Variants in MOSMO observed in about 807,000 individuals in gnomAD.
The protein encoded by MOSMO is modulator of smoothened protein.
Under a neutral mutation model 18.4 loss-of-function variants are expected in MOSMO, and 5 were observed. That is an observed-to-expected ratio of 0.27 (90% CI 0.14 to 0.57). The LOEUF (loss-of-function observed/expected upper bound fraction) is 0.57, where lower values mean the gene tolerates loss of function less well. Among genes scored for constraint, MOSMO ranks in the 20% least tolerant of loss-of-function variants. MOSMO has a pLI of 0.92. For missense variants in MOSMO, 138 were observed against 211.8 expected (o/e 0.65, Z 2.16); for synonymous variants, 82 against 82.3 (o/e 1.00, Z 0.02).
intron 1 of MOSMO, among the ~76,000 whole-genome samples, chr16:22,041,296 A>G (rs1900205392): frequency 6.6e-6 from 1 of 152,152 alleles, no homozygotes; most frequent in African/African-American, 2.4e-5. Context: ...TTTTTTTATG[A>G]ATACAGAAGC....
intron 1 of MOSMO, among the ~76,000 whole-genome samples, chr16:22,028,043 C>T (rs1370870306): frequency 6.6e-6 from 1 of 152,064 alleles, no homozygotes; most frequent in African/African-American, 2.4e-5. Flanking sequence ...CAGTTCTCTT[C>T]CTAGGTTGTA....
intron 1 of MOSMO, among the ~76,000 whole-genome samples, chr16:22,014,245 G>GAGAC (rs1449669960): frequency 6.6e-6 from 1 of 152,156 alleles, no homozygotes; most frequent in Non-Finnish European, 1.5e-5. Flanking sequence ...ATTGAGTGAG[G>GAGAC]AGACACAAAT....
chr16:22,089,045 G>A (rs192051674), downstream of MOSMO, among the ~76,000 whole-genome samples: 33 of 151,160 alleles, frequency 2.2e-4, no homozygotes, highest in Middle Eastern at 3.5e-3. Flanking sequence ...TTATTAAGTT[G>A]TTTGTGTCAA....
At chr16:22,018,381 TG>T (rs1316677053) in intron 1 of MOSMO, among the ~76,000 whole-genome samples, 6 of 152,312 alleles carry the variant, frequency 3.9e-5, no homozygotes, top group African/African-American at 1.4e-4. Flanking sequence ...AAATAGGCCA[TG>T]TTCAGATCAG....
At chr16:22,051,425 A>C (rs968516435) in intron 1 of MOSMO, among the ~76,000 whole-genome samples, 7 of 152,046 alleles carry the variant, frequency 4.6e-5, no homozygotes, top group African/African-American at 1.7e-4. Context: ...AAATTTCTAC[A>C]TACAAAAAAA....
intron 1 of MOSMO, among the ~76,000 whole-genome samples, chr16:22,041,172 G>A (rs1017634852): frequency 1.3e-5 from 2 of 152,198 alleles, no homozygotes; most frequent in Admixed American, 1.3e-4. Flanking sequence ...TACAAAAGGT[G>A]TGAAGAATGA....
chr16:22,050,368 G>A (rs1210103082), intron 1 of MOSMO, among the ~76,000 whole-genome samples: 2 of 152,170 alleles, frequency 1.3e-5, no homozygotes, highest in Admixed American at 1.3e-4. Flanking sequence ...ATGAATAGAA[G>A]GAAGTATTGA....
intron 1 of MOSMO, among the ~76,000 whole-genome samples, chr16:22,047,397 A>G (rs377091828): frequency 6.6e-6 from 1 of 151,920 alleles, no homozygotes; most frequent in South Asian, 2.1e-4. Flanking sequence ...GGCGCCCGTC[A>G]CCACGCCCGG....
chr16:22,012,624 T>C (rs952504000), intron 1 of MOSMO, among the ~76,000 whole-genome samples: 1 of 151,954 alleles, frequency 6.6e-6, no homozygotes, highest in African/African-American at 2.4e-5. Context: ...GTTAAATATA[T>C]GTCCCTCTTG....
intron 1 of MOSMO, among the ~76,000 whole-genome samples, chr16:22,027,173 A>G (rs990570946): frequency 6.6e-6 from 1 of 152,244 alleles, no homozygotes; most frequent in African/African-American, 2.4e-5. Context: ...AAACTGTGTT[A>G]TAGTGCTTTC....
chr16:22,092,285 C>T (rs1901354669), downstream of MOSMO: 1 of 221,870 alleles, frequency 4.5e-6, no homozygotes, highest in African/African-American at 2.3e-5. Flanking sequence ...CGCACCAGGG[C>T]TGTACTGGCC....
chr16:22,035,019 C>CCACG (rs1900079667), intron 1 of MOSMO, among the ~76,000 whole-genome samples: 1 of 152,034 alleles, frequency 6.6e-6, no homozygotes, highest in Non-Finnish European at 1.5e-5. Flanking sequence ...CAGGTGTGAG[C>CCACG]CACGGCGCCT....
chr16:22,066,300 A>G (rs1567513008), intron 1 of MOSMO, among the ~76,000 whole-genome samples: 2 of 152,314 alleles, frequency 1.3e-5, no homozygotes, highest in Non-Finnish European at 2.9e-5. Context: ...GCAGTTGTTC[A>G]GCATCACAGG....
chr16:22,031,726 A>G (rs1899998055), intron 1 of MOSMO, among the ~76,000 whole-genome samples: 1 of 152,218 alleles, frequency 6.6e-6, no homozygotes, highest in Admixed American at 6.5e-5. Flanking sequence ...CATTGTATAG[A>G]TATACCACAT....
At chr16:22,012,947 T>G (rs1041709487) in intron 1 of MOSMO, among the ~76,000 whole-genome samples, 1 of 152,118 alleles carries the variant, frequency 6.6e-6, no homozygotes, top group African/African-American at 2.4e-5. Context: ...TGCACAAACT[T>G]TTGAAGATCT....
At chr16:22,036,066 G>A (rs766814557) in intron 1 of MOSMO, among the ~76,000 whole-genome samples, 1 of 152,088 alleles carries the variant, frequency 6.6e-6, no homozygotes, top group Non-Finnish European at 1.5e-5. Context: ...GTTACCTCCA[G>A]TACATGTCGA....
At chr16:22,090,829 A>G (rs969587285), downstream of MOSMO, among the ~76,000 whole-genome samples, 2 of 152,210 alleles carry the variant, frequency 1.3e-5, no homozygotes, top group Non-Finnish European at 2.9e-5. Context: ...TTGATGAGTC[A>G]TACAGTCTGA....
intron 1 of MOSMO, among the ~76,000 whole-genome samples, chr16:22,040,794 G>A (rs910638580): frequency 1.3e-5 from 2 of 152,164 alleles, no homozygotes; most frequent in African/African-American, 4.8e-5. Context: ...AGATAGGCAA[G>A]CAGCAGGATT....
intron 1 of MOSMO, among the ~76,000 whole-genome samples, chr16:22,047,712 C>T (rs1354484169): frequency 6.6e-6 from 1 of 152,084 alleles, no homozygotes; most frequent in Non-Finnish European, 1.5e-5. Flanking sequence ...GGTGTATGCA[C>T]TTGAAGTTTC....
Sources: allele counts gnomAD v4.1 joint callset (sites outside exome capture counted in the v4.1 genomes callset), GRCh38; gene constraint gnomAD v4.1.1; transcripts MANE v1.5; gene names NCBI Gene and HGNC (gene_info 2026-07-23, HGNC 2026-07-21).